LRRIQ1: variants seen among roughly 807,000 people sequenced by gnomAD.
The protein encoded by LRRIQ1 is leucine-rich repeat- and IQ domain-containing protein 1.
LRRIQ1 carries 210 observed loss-of-function variants against 211.9 expected under a neutral mutation model. The observed-to-expected ratio is 0.99, with a 90% CI of 0.89 to 1.11. The LOEUF (loss-of-function observed/expected upper bound fraction) is 1.11, where lower values mean the gene tolerates loss of function less well. Among genes scored for constraint, LRRIQ1 ranks in the 50% most tolerant of loss-of-function variants. The pLI is 0.00. For synonymous variants in LRRIQ1, 699 were observed against 650.1 expected, an observed-to-expected ratio of 1.08 and a Z score of -1.14; for missense variants, 2,136 against 1,939.5, an observed-to-expected ratio of 1.10 and a Z score of -1.90.
Position 85,057,038 on chromosome 12 carries a change from T to C in LRRIQ1, c.2245T>C (p.Phe749Leu), listed in dbSNP as rs1881196342. 1.9e-6 allele frequency: 3 copies of C among 1,608,780 alleles called. No homozygotes were observed. The highest frequency in any genetic ancestry group is 4.5e-5 in the East Asian group (2 of 44,776). ...AAGGAGACTAGCCTGGATAAAATCA[T>C]TTAAACCTTGGCTTGAAATTTTCAA... ...EERRLAWIKSFKPWLEIFKQN... is the reference protein window; with the variant it reads ...EERRLAWIKSLKPWLEIFKQN... Residue 749 changes from phenylalanine to leucine, a missense_variant, in exon 8 of 27, where the codon TTT (phenylalanine) becomes CTT (leucine). Phe to Leu is a conservative substitution (Grantham distance 22). Transcript: ENST00000393217.
chr12:85,124,418 C>T lies in LRRIQ1; in HGVS notation c.3906C>T (p.Ser1302=), dbSNP rs781124149. The T allele has an allele frequency of 3.7e-6, 6 of 1,613,754 alleles. No homozygotes were observed. In the Admixed American group the frequency reaches 5.0e-5, roughly 13 times the overall value. ...EILVCQKRED[S]KASSIPTIRI... The stretch of plus-strand genomic sequence containing the variant: ...TAGTATGTCAGAAGAGAGAAGACAG[C>T]AAGGCAAGCAGTATTCCCACCATAA... The change falls in exon 17 of 27, where the codon AGC becomes AGT. Residue 1302 remains serine (S), a synonymous_variant. Coordinates refer to ENST00000393217, the MANE Select transcript of LRRIQ1 (RefSeq NM_001079910.2).
intron 24 of LRRIQ1, among the ~76,000 whole-genome samples, chr12:85,177,977 G>A (rs1565886463): frequency 6.6e-6 from 1 of 152,070 alleles, no homozygotes; most frequent in Non-Finnish European, 1.5e-5. Flanking sequence ...TATGGAATGA[G>A]AAGAATAATA....
intron 24 of LRRIQ1, among the ~76,000 whole-genome samples, chr12:85,190,370 TAATA>T (rs1344828713): frequency 2.7e-5 from 4 of 146,368 alleles, no homozygotes; most frequent in Non-Finnish European, 3.0e-5. Flanking sequence ...ACTATACAGT[TAATA>T]AATATACAGT....
Position 85,056,969 on chromosome 12 carries a change from A to T in LRRIQ1, c.2176A>T (p.Thr726Ser), listed in dbSNP as rs1341074248. Residue 726 changes from threonine (T) to serine (S), a missense_variant, in exon 8 of 27, where the codon ACC becomes TCC. By Grantham distance (58) the Thr-to-Ser change is moderately conservative. Coordinates refer to ENST00000393217, the MANE Select transcript of LRRIQ1 (RefSeq NM_001079910.2). ...AAATGCACCTGAACCTGATAGCATG[A>T]CCTGCTGTGTATCAGAGTCAACCCT... ...HENAPEPDSM[T>S]CCVSESTLLY... 5 of 1,611,544 alleles carry T rather than the reference A, an allele frequency of 3.1e-6. No individual in the cohort carries two copies. Among genetic ancestry groups the T allele is most frequent in the Non-Finnish European group, 4.2e-6 (5 of 1,178,912 alleles).
intron 24 of LRRIQ1, among the ~76,000 whole-genome samples, chr12:85,171,162 G>C (rs1891397431): frequency 6.6e-6 from 1 of 152,002 alleles, no homozygotes; most frequent in African/African-American, 2.4e-5. Flanking sequence ...ATTTCAGCAG[G>C]ATATTAAACC....
intron 19 of LRRIQ1, among the ~76,000 whole-genome samples, chr12:85,144,562 G>A (rs1020427447): frequency 2.0e-5 from 3 of 151,380 alleles, no homozygotes; most frequent in African/African-American, 7.3e-5. Flanking sequence ...TGGGCTAAGT[G>A]TCAGGCAAGT....
At chr12:85,105,059 A>G (rs777869351) in intron 14 of LRRIQ1, among the ~76,000 whole-genome samples, 9 of 152,046 alleles carry the variant, frequency 5.9e-5, no homozygotes, top group African/African-American at 1.9e-4. Flanking sequence ...TGTTGTGTCT[A>G]TTCAAGTGTT....
chr12:85,045,066 A>G (rs1407983124), intron 4 of LRRIQ1, among the ~76,000 whole-genome samples: 2 of 151,974 alleles, frequency 1.3e-5, no homozygotes, highest in Non-Finnish European at 2.9e-5. Flanking sequence ...CATGTAGATA[A>G]AATAGGAGAA....
At chr12:85,222,893 A>G (rs573805195) in intron 24 of LRRIQ1, among the ~76,000 whole-genome samples, 2 of 152,286 alleles carry the variant, frequency 1.3e-5, no homozygotes, top group South Asian at 4.1e-4. Flanking sequence ...ACTCACGTTC[A>G]GAATGGGGCC....
rs565419162 is a variant in LRRIQ1, at chr12:85,202,476, G to T, written c.4823-27041G>T. Among the ~76,000 whole-genome samples the T allele has an allele frequency of 8.5e-5, 13 of 152,282 alleles. No individual in the cohort carries two copies. In the South Asian group the frequency reaches 2.7e-3, roughly 32 times the overall value. On this transcript the variant is annotated intron_variant, in intron 24 of 26. Coordinates refer to ENST00000393217, the MANE Select transcript of LRRIQ1 (RefSeq NM_001079910.2). The stretch of plus-strand genomic sequence containing the variant: ...GAATATGGGTTATCCTATGTAGTGT[G>T]CATATATATTTAGGATAGTTAGGTC...
At chr12:85,161,937 G>T (rs1269899262) in intron 24 of LRRIQ1, among the ~76,000 whole-genome samples, 2 of 152,030 alleles carry the variant, frequency 1.3e-5, no homozygotes, top group African/African-American at 4.8e-5. Flanking sequence ...CTACTCGGAG[G>T]CTGAGGCAGG....
intron 24 of LRRIQ1, among the ~76,000 whole-genome samples, chr12:85,194,751 C>T (rs1892797940): frequency 6.6e-6 from 1 of 151,996 alleles, no homozygotes; most frequent in South Asian, 2.1e-4. Context: ...CCTAACATCA[C>T]AATTGAAAGA....
intron 11 of LRRIQ1, among the ~76,000 whole-genome samples, chr12:85,095,806 A>T (rs574163474): frequency 5.2e-4 from 79 of 151,954 alleles, no homozygotes; most frequent in Non-Finnish European, 7.5e-4. Flanking sequence ...TCTTTTTTTT[A>T]AAATTACTAA....
chr12:85,245,104 A>T lies in LRRIQ1; in HGVS notation c.*163A>T. 8.3e-7 allele frequency: 1 copy of T among 1,206,332 alleles called. No homozygotes were observed. Among genetic ancestry groups the T allele is most frequent in the Non-Finnish European group, 1.1e-6 (1 of 907,726 alleles). The allele number at this position is 1,206,332 out of a possible 1,614,324, so 74.7% of individuals were successfully genotyped here. A position where few individuals can be genotyped will look rare whatever the true frequency, so the allele number is the denominator to read the frequency against. On this transcript the variant is annotated 3_prime_UTR_variant, in exon 27 of 27. Transcript: ENST00000393217. Reference sequence around the variant, plus strand: ...ACAAAATTAAATTATTTCTAAAATTAACTGCATCAGTTTTTATTTTAATTG... The same window carrying T: ...ACAAAATTAAATTATTTCTAAAATTTACTGCATCAGTTTTTATTTTAATTG...
chr12:85,107,145 A>T (rs181956366), intron 15 of LRRIQ1, among the ~76,000 whole-genome samples: 1 of 152,242 alleles, frequency 6.6e-6, no homozygotes, highest in Admixed American at 6.5e-5. Context: ...TTTTTGTAGA[A>T]AAAAGTTTTC....
intron 24 of LRRIQ1, among the ~76,000 whole-genome samples, chr12:85,195,913 A>T (rs1171369213): frequency 6.6e-6 from 1 of 151,722 alleles, no homozygotes; most frequent in East Asian, 1.9e-4. Flanking sequence ...ACGTGATTGT[A>T]TATCTAGAAA....
chr12:85,114,064 T>C (rs1887388864), intron 15 of LRRIQ1, among the ~76,000 whole-genome samples: 1 of 152,080 alleles, frequency 6.6e-6, no homozygotes, highest in African/African-American at 2.4e-5. Context: ...TCTGGGGCTA[T>C]GCTTCTTTTA....
chr12:85,104,673 C>A (rs554733016), intron 14 of LRRIQ1, among the ~76,000 whole-genome samples: 1 of 151,970 alleles, frequency 6.6e-6, no homozygotes, highest in East Asian at 1.9e-4. Flanking sequence ...GAATATATCA[C>A]AGTTTGTTTA....
chr12:85,067,248 T>C (rs902467792), intron 10 of LRRIQ1, among the ~76,000 whole-genome samples: 5 of 151,892 alleles, frequency 3.3e-5, no homozygotes, highest in African/African-American at 7.2e-5. Context: ...TTGTTGTAAC[T>C]ATTTGCTGGT....
Sources: allele counts gnomAD v4.1 joint callset (sites outside exome capture counted in the v4.1 genomes callset), GRCh38; gene constraint gnomAD v4.1.1; transcripts MANE v1.5; gene names NCBI Gene and HGNC (gene_info 2026-07-23, HGNC 2026-07-21).